The following ATP6V0E1 variants were observed in gnomAD, a reference collection of about 807,000 sequenced individuals.
ATP6V0E1 encodes V-type proton ATPase subunit e 1.
A neutral mutation model predicts 11.6 loss-of-function variants in ATP6V0E1; 4 were observed. The ratio of observed to expected loss-of-function variants is 0.35; its 90% CI spans 0.17 to 0.79. The LOEUF (loss-of-function observed/expected upper bound fraction) is 0.79. ATP6V0E1 is among the 30% of genes least tolerant of loss of function. The pLI is 0.54. For missense variants in ATP6V0E1, 105 were observed against 100.0 expected, an observed-to-expected ratio of 1.05 and a Z score of -0.21; for synonymous variants, 36 against 34.8, an observed-to-expected ratio of 1.04 and a Z score of -0.13.
intron 1 of ATP6V0E1, among the ~76,000 whole-genome samples, chr5:172,985,453 A>C (rs1240221116): frequency 6.6e-6 from 1 of 152,048 alleles, no homozygotes; most frequent in Non-Finnish European, 1.5e-5. Context: ...CATCTCTCCT[A>C]CCTATAGAGG....
chr5:173,027,721 T>C (rs1262652369), intron 3 of ATP6V0E1, among the ~76,000 whole-genome samples: 4 of 152,136 alleles, frequency 2.6e-5, no homozygotes, highest in African/African-American at 9.7e-5. Context: ...CTCGAAGTGC[T>C]GGGATTACAG....
In ATP6V0E1 at chr5:172,994,757, A is replaced by AT. The variant is rs11296906; in HGVS notation, c.105-3dup. 0.052 allele frequency: 70,061 copies of AT among 1,351,208 alleles called. No homozygotes were observed. Among genetic ancestry groups the AT allele is most frequent in the Non-Finnish European group, 0.062 (61,381 of 990,726 alleles). The allele number at this position is 1,351,208 out of a possible 1,614,324, so 83.7% of individuals were successfully genotyped here. On this transcript the variant is annotated splice_polypyrimidine_tract_variant and intron_variant, in intron 1 of 3. Transcript: ENST00000519374. ...TTGCTAGTTATTTAATGACATTTGC[A>AT]TTTTTTTTTTTTTTTAGAGTTATCA... is the stretch of plus-strand genomic sequence containing the variant.
At chr5:173,010,800 T>G (rs1406283913) in intron 2 of ATP6V0E1, among the ~76,000 whole-genome samples, 1 of 152,184 alleles carries the variant, frequency 6.6e-6, no homozygotes, top group African/African-American at 2.4e-5. Flanking sequence ...CTGAGACTGC[T>G]CCATCTGCGT....
intron 2 of ATP6V0E1, among the ~76,000 whole-genome samples, chr5:172,999,814 G>T (rs1756124754): frequency 6.6e-6 from 1 of 152,240 alleles, no homozygotes; most frequent in African/African-American, 2.4e-5. Context: ...TGCTTCTGGA[G>T]GCCATTTTAT....
At chr5:173,008,597 C>T (rs1336789447) in intron 2 of ATP6V0E1, among the ~76,000 whole-genome samples, 2 of 147,744 alleles carry the variant, frequency 1.4e-5, no homozygotes, top group African/African-American at 4.9e-5. Context: ...CCGTGCCCAG[C>T]CGAGTCCTTT....
chr5:173,002,672 A>T (rs1163165675), intron 2 of ATP6V0E1, among the ~76,000 whole-genome samples: 2 of 152,168 alleles, frequency 1.3e-5, no homozygotes, highest in African/African-American at 4.8e-5. Context: ...GTAATTTCTT[A>T]TTCACTAATT....
intron 1 of ATP6V0E1, among the ~76,000 whole-genome samples, chr5:172,984,447 G>A (rs986586632): frequency 2.6e-5 from 4 of 152,176 alleles, no homozygotes; most frequent in African/African-American, 9.7e-5. Flanking sequence ...ATTGAGCCCA[G>A]GCCTTGCATC....
At chr5:173,032,455 AT>A (rs1169484504) in intron 3 of ATP6V0E1, among the ~76,000 whole-genome samples, 1 of 151,334 alleles carries the variant, frequency 6.6e-6, no homozygotes, top group East Asian at 2.0e-4. Context: ...CAGCTGGCTA[AT>A]TTTTTTGTAT....
chr5:173,006,424 C>T (rs533593132), intron 2 of ATP6V0E1, among the ~76,000 whole-genome samples: 51 of 152,176 alleles, frequency 3.4e-4, no homozygotes, highest in African/African-American at 1.2e-3. Flanking sequence ...TCCTGGCTAA[C>T]ACGGTGAAAC....
intron 1 of ATP6V0E1, chr5:172,986,847 G>C (rs188914290): frequency 8.6e-5 from 33 of 385,946 alleles, no homozygotes; most frequent in African/African-American, 5.5e-4. Context: ...GAGTGCAGTG[G>C]CGTGATACTG....
In ATP6V0E1 at chr5:173,008,733, C is replaced by T. The variant is rs572277537; in HGVS notation, c.153-11505C>T. ...GACCATCCTGGCTAATGCGGTGAAA[C>T]CCCATCTCTACTAAAAATACAAAAA... On this transcript the variant is annotated intron_variant, in intron 2 of 3. Transcript: ENST00000519374. 2.0e-5 allele frequency among the ~76,000 whole-genome samples: 3 copies of T among 148,968 alleles called. No individual in the cohort carries two copies. In the East Asian group the frequency reaches 6.1e-4, roughly 30 times the overall value.
intron 1 of ATP6V0E1, among the ~76,000 whole-genome samples, chr5:172,984,886 C>G (rs1581621991): frequency 2.0e-5 from 3 of 152,260 alleles, no homozygotes; most frequent in East Asian, 3.9e-4. Context: ...TTCATAGTAC[C>G]TTGTATGCAC....
chr5:173,019,122 T>G (rs1756443354), intron 2 of ATP6V0E1, among the ~76,000 whole-genome samples: 1 of 152,058 alleles, frequency 6.6e-6, no homozygotes, highest in South Asian at 2.1e-4. Context: ...CACAGTGAAT[T>G]TTTAAAATTT....
At chr5:173,023,033 G>T (rs1756508233) in intron 3 of ATP6V0E1, among the ~76,000 whole-genome samples, 4 of 151,392 alleles carry the variant, frequency 2.6e-5, no homozygotes, top group Admixed American at 2.6e-4. Context: ...CTTTTGTTTT[G>T]TTTTGTGGAA....
chr5:173,020,523 C>T (rs1756462946), intron 3 of ATP6V0E1, 156 bp downstream of exon 3: 1 of 584,900 alleles, frequency 1.7e-6, no homozygotes. Flanking sequence ...GGAACTTAAG[C>T]CTTAGCTTAC....
At chr5:173,004,841 G>GTT (rs1156372507) in intron 2 of ATP6V0E1, among the ~76,000 whole-genome samples, 2 of 152,114 alleles carry the variant, frequency 1.3e-5, no homozygotes, top group African/African-American at 4.8e-5. Flanking sequence ...CCTTGTTTTT[G>GTT]TTTTTCTGTT....
intron 1 of ATP6V0E1, among the ~76,000 whole-genome samples, chr5:172,994,451 T>A (rs1470627041): frequency 2.0e-5 from 3 of 152,212 alleles, no homozygotes; most frequent in African/African-American, 7.2e-5. Context: ...CAGAGAATAC[T>A]ACCAAATAGG....
intron 1 of ATP6V0E1, among the ~76,000 whole-genome samples, chr5:172,985,672 C>A (rs1755885853): frequency 6.6e-6 from 1 of 152,160 alleles, no homozygotes; most frequent in Non-Finnish European, 1.5e-5. Flanking sequence ...ACTGACAATT[C>A]CTTTCTTAAA....
chr5:172,988,829 CA>C (rs1716708699), intron 1 of ATP6V0E1, among the ~76,000 whole-genome samples: 1 of 152,162 alleles, frequency 6.6e-6, no homozygotes, highest in Non-Finnish European at 1.5e-5. Flanking sequence ...TCTCGGACTA[CA>C]GGCGCACGTC....
Sources: gnomAD v4.1 joint callset for allele counts (sites outside exome capture counted in the v4.1 genomes callset) on GRCh38, gnomAD v4.1.1 for gene constraint, MANE v1.5 for transcripts, NCBI Gene and HGNC (gene_info 2026-07-23, HGNC 2026-07-21) for gene names.